CREBBP: variants seen among roughly 807,000 people sequenced by gnomAD.
CREBBP encodes CREB binding lysine acetyltransferase.
A neutral mutation model predicts 265.0 loss-of-function variants in CREBBP; 19 were observed. The observed-to-expected ratio is 0.07, with a 90% CI of 0.05 to 0.11. CREBBP has a LOEUF of 0.11. Ranked by LOEUF, CREBBP falls within the 10% of genes least tolerant of loss-of-function variation. The pLI, the probability that CREBBP is intolerant of heterozygous loss-of-function variation, is 1.00. For synonymous variants in CREBBP, 1,457 were observed against 1,223.7 expected (o/e 1.19, Z -3.98); for missense variants, 2,525 against 3,219.0 (o/e 0.78, Z 5.22).
Position 3,757,865 on chromosome 16 carries a change from A to G in CREBBP, c.3553T>C (p.Phe1185Leu). ...YKFCSKLAEV[F>L]EQEIDPVMQS... ...ATGACAGGGTCAATTTCCTGCTCAA[A>G]GACCTCTGCAAGCTTACTGCAAAAC... The change falls in exon 18 of 31, where the codon TTT becomes CTT. Residue 1185 changes from phenylalanine (F) to leucine (L), a missense_variant. By Grantham distance (22) the Phe-to-Leu change is conservative. Around this residue, in one of 19 missense-constraint regions of CREBBP, gnomAD observed 252 missense variants for 452.5 expected, o/e 0.56. Transcript: ENST00000262367. The G allele has an allele frequency of 6.2e-7, 1 of 1,614,160 alleles. No individual in the cohort carries two copies. The highest frequency in any genetic ancestry group is 1.1e-5 in the South Asian group (1 of 91,082).
chr16:3,758,711 C>T, intron 17 of CREBBP, 143 bp downstream of exon 17: 1 of 739,630 alleles, frequency 1.4e-6, no homozygotes, highest in Non-Finnish European at 2.4e-6. Flanking sequence ...TCACTGATAA[C>T]TGTTAACAGA....
intron 7 of CREBBP, 75 bp from the exon 8 acceptor site, chr16:3,780,953 GCCA>G (rs896605714): frequency 1.8e-5 from 27 of 1,540,982 alleles, no homozygotes; most frequent in Non-Finnish European, 2.4e-5. Context: ...AGGTTCTTCT[GCCA>G]CCACATGTGA....
intron 1 of CREBBP, among the ~76,000 whole-genome samples, chr16:3,867,225 A>G (rs1466964978): frequency 6.6e-6 from 1 of 152,198 alleles, no homozygotes; most frequent in Non-Finnish European, 1.5e-5. Flanking sequence ...CATGACATGC[A>G]TTTTGATGAC....
At chr16:3,785,610 C>A (rs752825653) in intron 5 of CREBBP, among the ~76,000 whole-genome samples, 1 of 152,206 alleles carries the variant, frequency 6.6e-6, no homozygotes, top group Non-Finnish European at 1.5e-5. Flanking sequence ...ACATCGTGGG[C>A]CCTCGCAGCG....
At chr16:3,789,540 G>C (rs779968662) in intron 5 of CREBBP, among the ~76,000 whole-genome samples, 1 of 152,082 alleles carries the variant, frequency 6.6e-6, no homozygotes, top group Non-Finnish European at 1.5e-5. Flanking sequence ...CATATATATT[G>C]TCTTCAAAAC....
At chr16:3,812,579 G>A (rs1304282042) in intron 2 of CREBBP, among the ~76,000 whole-genome samples, 2 of 151,154 alleles carry the variant, frequency 1.3e-5, no homozygotes, top group Non-Finnish European at 2.9e-5. Flanking sequence ...CCTCAGCTAT[G>A]CTTCCGTGAG....
rs1482495771 is a variant in CREBBP, at chr16:3,744,835, A to G, written c.3982+59T>C. The G allele has an allele frequency of 7.6e-6, 10 of 1,322,524 alleles. No homozygotes were observed. The East Asian group carries it at 2.1e-4, about 27-fold the overall frequency. 81.9% of individuals were successfully genotyped at this position (1,322,524 alleles called of 1,614,324 possible). A position where few individuals can be genotyped will look rare whatever the true frequency, so the allele number is the denominator to read the frequency against. ...AGAGGAACCAAAGAACAATGGGGAC[A>G]ATTTCTACAAGTTTCTAAAATGTGC... On this transcript the variant is annotated intron_variant, in intron 23 of 30. Coordinates refer to ENST00000262367, the MANE Select transcript of CREBBP (RefSeq NM_004380.3).
chr16:3,746,590 G>A (rs1015210159), intron 21 of CREBBP, among the ~76,000 whole-genome samples: 3 of 152,058 alleles, frequency 2.0e-5, no homozygotes, highest in African/African-American at 4.8e-5. Context: ...TTCCTGTGCC[G>A]TCTCCAAAGG....
At chr16:3,733,878 G>C (rs2051982942) in intron 28 of CREBBP, among the ~76,000 whole-genome samples, 1 of 152,204 alleles carries the variant, frequency 6.6e-6, no homozygotes, top group South Asian at 2.1e-4. Context: ...CTGACCTCAA[G>C]TGATCCACCT....
chr16:3,815,931 A>G (rs1389853188), intron 2 of CREBBP, among the ~76,000 whole-genome samples: 1 of 152,144 alleles, frequency 6.6e-6, no homozygotes, highest in Non-Finnish European at 1.5e-5. Flanking sequence ...TCTTTTAAAT[A>G]AAATTAAAAA....
chr16:3,736,358 A>G, intron 27 of CREBBP, 155 bp from the exon 28 acceptor site: 1 of 791,368 alleles, frequency 1.3e-6, no homozygotes, highest in Non-Finnish European at 2.1e-6. Flanking sequence ...ACCCCCACAC[A>G]TGTGCACCCC....
At chr16:3,826,654 T>C (rs1273212068) in intron 2 of CREBBP, among the ~76,000 whole-genome samples, 2 of 152,062 alleles carry the variant, frequency 1.3e-5, no homozygotes, top group Non-Finnish European at 2.9e-5. Flanking sequence ...CATCCTATAA[T>C]ACACCTGACT....
intron 3 of CREBBP, among the ~76,000 whole-genome samples, chr16:3,799,791 G>C (rs2053676824): frequency 6.6e-6 from 1 of 152,200 alleles, no homozygotes; most frequent in Admixed American, 6.5e-5. Context: ...GAATGGGCCA[G>C]CCAAGCCCTG....
At chr16:3,807,205 A>G (rs2053847739) in intron 3 of CREBBP, among the ~76,000 whole-genome samples, 1 of 152,042 alleles carries the variant, frequency 6.6e-6, no homozygotes, top group Non-Finnish European at 1.5e-5. Flanking sequence ...CCCTTCCTCA[A>G]TGCTACCCAG....
intron 13 of CREBBP, 76 bp from the exon 14 acceptor site, chr16:3,771,062 T>G (rs1343031142): frequency 5.7e-6 from 9 of 1,574,448 alleles, no homozygotes; most frequent in Non-Finnish European, 7.8e-6. Flanking sequence ...AAAAATTAAA[T>G]GTATGAAAAA....
chr16:3,815,550 ATT>A (rs1166085466), intron 2 of CREBBP, among the ~76,000 whole-genome samples: 6 of 134,864 alleles, frequency 4.4e-5, no homozygotes, highest in South Asian at 4.6e-4. Flanking sequence ...AAAAAAAAAA[ATT>A]TTTTTTTTTT....
At chr16:3,858,738 T>C (rs2055013258) in intron 1 of CREBBP, among the ~76,000 whole-genome samples, 2 of 152,244 alleles carry the variant, frequency 1.3e-5, no homozygotes. Flanking sequence ...TCTAGAAATA[T>C]TACACTGGGT....
rs150583126 is a variant in CREBBP at position 3,789,447 on chromosome 16, A to G, written c.1330+2534T>C. ...CTACAAAGTAGTCAGGTGCGCTCCA[A>G]TTCTCCTCGAAAAGAATGCTGATTG... is the stretch of plus-strand genomic sequence containing the variant. On this transcript the variant is annotated intron_variant, in intron 5 of 30. Coordinates refer to ENST00000262367, the MANE Select transcript of CREBBP (RefSeq NM_004380.3). 2.6e-5 allele frequency among the ~76,000 whole-genome samples: 4 copies of G among 152,258 alleles called. 1 individual carries two copies. In the East Asian group the frequency reaches 5.8e-4, roughly 22 times the overall value.
At chr16:3,732,583 C>T (rs368337027) in intron 28 of CREBBP, among the ~76,000 whole-genome samples, 4 of 152,048 alleles carry the variant, frequency 2.6e-5, no homozygotes, top group East Asian at 3.9e-4. Flanking sequence ...TTTTGAGAGA[C>T]GGAGTTTTGC....
Sources: gnomAD v4.1 joint callset for allele counts (sites outside exome capture counted in the v4.1 genomes callset) on GRCh38, gnomAD v4.1.1 for gene constraint, gnomAD v4.1.1 regional missense constraint, MANE v1.5 for transcripts, NCBI Gene and HGNC (gene_info 2026-07-23, HGNC 2026-07-21) for gene names.